PASK: variants seen among roughly 807,000 people sequenced by gnomAD.
The protein encoded by PASK is PAS domain-containing serine/threonine-protein kinase.
A neutral mutation model predicts 121.0 loss-of-function variants in PASK; 110 were observed. The ratio of observed to expected loss-of-function variants is 0.91; its 90% CI spans 0.78 to 1.06. PASK has a LOEUF of 1.06. Among genes scored for constraint, PASK ranks in the 50% least tolerant of loss-of-function variants. The pLI, the probability that PASK is intolerant of heterozygous loss-of-function variation, is 0.00. For missense variants in PASK, 1,643 were observed against 1,702.3 expected (o/e 0.97, Z 0.61); for synonymous variants, 686 against 717.8 (o/e 0.96, Z 0.71).
In PASK at chr2:241,140,666, T is replaced by A; in HGVS notation, c.284A>T (p.His95Leu). 6.2e-7 allele frequency: 1 copy of A among 1,614,114 alleles called. No individual in the cohort carries two copies. Residue 95 changes from histidine to leucine, a missense_variant, in exon 3 of 18, where the codon CAC (histidine) becomes CTC (leucine). Transcript: ENST00000234040. ...GCCCCGCGGTTCGGACGGGTCCGTG[T>A]GCTCAGGGGCAGCAGGGCAGTGCAG... Reference protein sequence around the residue: ...SKLHCPAAPEHTDPSEPRGSV... With the variant: ...SKLHCPAAPELTDPSEPRGSV...
chr2:241,149,507 G>T (rs916984722), upstream of PASK: 77 of 728,592 alleles, frequency 1.1e-4, no homozygotes, highest in Non-Finnish European at 1.5e-4. Context: ...ACAGCGACTA[G>T]CACCGATTGA....
At chr2:241,111,492 CAT>C (rs1232024752) in intron 15 of PASK, among the ~76,000 whole-genome samples, 4 of 152,254 alleles carry the variant, frequency 2.6e-5, no homozygotes, top group East Asian at 3.8e-4. Context: ...ATTTCATACA[CAT>C]AGACACATTT....
intron 8 of PASK, chr2:241,134,379 TG>T (rs1292440757): frequency 5.3e-5 from 8 of 152,208 alleles, no homozygotes; most frequent in Non-Finnish European, 1.2e-4. Flanking sequence ...GGGAACCACA[TG>T]CTAAGGAAAG....
chr2:241,148,143 C>T (rs901587308), intron 1 of PASK, among the ~76,000 whole-genome samples: 3 of 152,170 alleles, frequency 2.0e-5, no homozygotes, highest in Non-Finnish European at 4.4e-5. Context: ...GCTGCAGACA[C>T]GGGAACCCAA....
rs1020414309 is a variant in PASK, at chr2:241,136,304, G to C, written c.1138-265C>G. On this transcript the variant is annotated intron_variant, in intron 7 of 17. Coordinates refer to ENST00000234040, the MANE Select transcript of PASK (RefSeq NM_015148.4). ...GTGACATCGACACATCTTTGGAGCA[G>C]ACATCTGGCCTTTGGCCCCATGTTT... Among the ~76,000 whole-genome samples the C allele has an allele frequency of 2.6e-5, 4 of 152,374 alleles. No homozygotes were observed. The South Asian group carries it at 6.2e-4, about 24-fold the overall frequency.
rs568552528 is a variant in PASK, at chr2:241,123,679, G to A, written c.2904+270C>T. On this transcript the variant is annotated intron_variant, in intron 11 of 17. Coordinates refer to ENST00000234040, the MANE Select transcript of PASK (RefSeq NM_015148.4). ...ACTAAAAATACAAAATTAGCCAGGC[G>A]TGGTGGCGCGTGCCTGTAATCCCCA... 1.2e-3 allele frequency among the ~76,000 whole-genome samples: 181 copies of A among 152,138 alleles called. 1 individual carries two copies. The highest frequency in any genetic ancestry group is 4.3e-3 in the African/African-American group (177 of 41,516).
At position 241,140,017 on chromosome 2, in the gene PASK, C is replaced by T. The variant is rs1046731963; in HGVS notation, c.468G>A (p.Gly156=). 3.7e-6 allele frequency: 6 copies of T among 1,613,748 alleles called. No homozygotes were observed. The highest frequency in any genetic ancestry group is 1.3e-5 in the African/African-American group (1 of 75,034). Residue 156 remains glycine (G), a synonymous_variant, in exon 4 of 18, where the codon GGG becomes GGA. Coordinates refer to ENST00000234040, the MANE Select transcript of PASK (RefSeq NM_015148.4). ...GGCCAATCAGGTCCTGGCTGCTGTACCCCAGGAGCCCGCAAGCTTTGTCGT... is the reference window on the plus strand; with the variant it reads ...GGCCAATCAGGTCCTGGCTGCTGTATCCCAGGAGCCCGCAAGCTTTGTCGT... ...VANDKACGLL[G]YSSQDLIGQK... is the part of the protein sequence containing the mutation.
intron 9 of PASK, among the ~76,000 whole-genome samples, chr2:241,130,638 G>A (rs1358288497): frequency 1.3e-5 from 2 of 152,142 alleles, no homozygotes; most frequent in Non-Finnish European, 2.9e-5. Flanking sequence ...CGCCTGCTCT[G>A]TTCCACTCGC....
chr2:241,138,587 C>T (rs985302187), intron 5 of PASK, 67 bp downstream of exon 5: 5 of 1,570,614 alleles, frequency 3.2e-6, no homozygotes, highest in Non-Finnish European at 4.4e-6. Flanking sequence ...GGGACCAGCA[C>T]TTGCTGAAGA....
At chr2:241,125,173 C>A (rs1484323607) in intron 10 of PASK, among the ~76,000 whole-genome samples, 2 of 151,910 alleles carry the variant, frequency 1.3e-5, no homozygotes, top group Non-Finnish European at 2.9e-5. Flanking sequence ...TGGTGGCACA[C>A]GCCTGTAGTC....
At chr2:241,111,614 C>T (rs769764160) in intron 15 of PASK, among the ~76,000 whole-genome samples, 1 of 152,138 alleles carries the variant, frequency 6.6e-6, no homozygotes, top group Non-Finnish European at 1.5e-5. Flanking sequence ...TCTCTAAAGT[C>T]CCCCGAGAGG....
chr2:241,116,601 G>A (rs910551205), intron 12 of PASK, among the ~76,000 whole-genome samples: 4 of 152,238 alleles, frequency 2.6e-5, no homozygotes, highest in African/African-American at 9.6e-5. Context: ...TTGACTCTGA[G>A]ATTAATCAGA....
chr2:241,135,896 G>A lies in PASK; in HGVS notation c.1281C>T (p.Gly427=). 2 of 1,614,134 alleles carry A rather than the reference G, an allele frequency of 1.2e-6. No individual in the cohort carries two copies. The highest frequency in any genetic ancestry group is 1.7e-6 in the Non-Finnish European group (2 of 1,180,020). ...CGERTLDPWQ[G]QDPAEGGQDP... Reference sequence around the variant, plus strand: ...CCTGGCCCCCCTCAGCTGGGTCCTGGCCCTGCCACGGGTCCAAGGTTCTCT... The same window carrying A: ...CCTGGCCCCCCTCAGCTGGGTCCTGACCCTGCCACGGGTCCAAGGTTCTCT... The change falls in exon 8 of 18, where the codon GGC becomes GGT. Residue 427 remains glycine, a synonymous_variant. Coordinates refer to ENST00000234040, the MANE Select transcript of PASK (RefSeq NM_015148.4).
rs2065738057 is a variant in PASK, at chr2:241,123,934, A to C, written c.2904+15T>G. The C allele has an allele frequency of 6.2e-7, 1 of 1,609,912 alleles. No homozygotes were observed. Among genetic ancestry groups the C allele is most frequent in the African/African-American group, 1.3e-5 (1 of 74,774 alleles). On this transcript the variant is annotated intron_variant, in intron 11 of 17. Transcript: ENST00000234040. Reference sequence around the variant, plus strand: ...CAAGGCAAGTCCAGGGCAGGCATTGATTGCAAATACCCACTTCCACCAGGC... The same window carrying C: ...CAAGGCAAGTCCAGGGCAGGCATTGCTTGCAAATACCCACTTCCACCAGGC...
intron 1 of PASK, among the ~76,000 whole-genome samples, chr2:241,149,136 C>A (rs948410780): frequency 6.6e-5 from 10 of 151,144 alleles, no homozygotes; most frequent in African/African-American, 2.4e-4. Context: ...CCTCGGCGCC[C>A]ACCGGGCAGG....
intron 15 of PASK, chr2:241,109,565 G>GGGCTC (rs1491428389): frequency 1.4e-4 from 21 of 150,262 alleles, no homozygotes; most frequent in Non-Finnish European, 2.8e-4. Flanking sequence ...GGGGAGGGGA[G>GGGCTC]GGCTCAAGAG....
Position 241,127,511 on chromosome 2 carries a change from T to C in PASK, c.1464-60A>G, listed in dbSNP as rs74815602. On this transcript the variant is annotated intron_variant, in intron 9 of 17. Transcript: ENST00000234040. ...GCCACAGATGAGTCAAAAGGAGAGA[T>C]TGCACCGATTCTCCATTAGAACTAA... 24 of 1,297,692 alleles carry C rather than the reference T, an allele frequency of 1.8e-5. 2 individuals carry two copies. Among genetic ancestry groups the C allele is most frequent in the East Asian group, 6.9e-5 (3 of 43,364 alleles). 80.4% of individuals were successfully genotyped at this position (1,297,692 alleles called of 1,614,324 possible).
chr2:241,130,235 G>A (rs1388294587), intron 9 of PASK, among the ~76,000 whole-genome samples: 1 of 152,224 alleles, frequency 6.6e-6, no homozygotes, highest in Non-Finnish European at 1.5e-5. Context: ...ACTGAGCGGG[G>A]AATGAATGGA....
upstream of PASK, chr2:241,150,180 C>G (rs955187013): frequency 7.8e-7 from 1 of 1,280,916 alleles, no homozygotes; most frequent in Non-Finnish European, 9.9e-7. Flanking sequence ...TCTCTCCACT[C>G]TGCCTAGACG....
Sources: gnomAD v4.1 joint callset for allele counts (sites outside exome capture counted in the v4.1 genomes callset) on GRCh38, gnomAD v4.1.1 for gene constraint, MANE v1.5 for transcripts, NCBI Gene and HGNC (gene_info 2026-07-23, HGNC 2026-07-21) for gene names.